Variants in TTC28 observed in about 807,000 individuals in gnomAD.
The protein encoded by TTC28 is tetratricopeptide repeat protein 28.
A neutral mutation model predicts 198.0 loss-of-function variants in TTC28; 61 were observed. The ratio of observed to expected loss-of-function variants is 0.31; its 90% CI spans 0.25 to 0.38. The LOEUF (loss-of-function observed/expected upper bound fraction) is 0.38. TTC28 is among the 10% of genes least tolerant of loss of function. TTC28 has a pLI of 1.00. For missense variants in TTC28, 2,678 were observed against 3,164.0 expected (o/e 0.85, Z 3.69); for synonymous variants, 1,171 against 1,297.8 (o/e 0.90, Z 2.10).
At chr22:28,234,516 G>T (rs540847908) in intron 5 of TTC28, among the ~76,000 whole-genome samples, 2 of 151,620 alleles carry the variant, frequency 1.3e-5, no homozygotes, top group South Asian at 4.2e-4. Flanking sequence ...GGGATTATAG[G>T]TGTGCACCAC....
At chr22:28,426,833 A>G (rs2047357668) in intron 2 of TTC28, among the ~76,000 whole-genome samples, 2 of 152,186 alleles carry the variant, frequency 1.3e-5, no homozygotes, top group Non-Finnish European at 2.9e-5. Context: ...GCAAAAATCC[A>G]TACTTTCATT....
intron 2 of TTC28, among the ~76,000 whole-genome samples, chr22:28,399,977 A>C (rs1308093879): frequency 6.6e-6 from 1 of 152,226 alleles, no homozygotes; most frequent in Non-Finnish European, 1.5e-5. Flanking sequence ...AACACTTCAT[A>C]TTCCCATCGT....
chr22:28,319,972 C>T lies in TTC28; in HGVS notation c.382-13329G>A, dbSNP rs544383989. ...ACATGGTTTGGGTGTAGTTACATTA[C>T]GGTAGGCAAGATGCCACGTGTTTTT... is the stretch of plus-strand genomic sequence containing the variant. On this transcript the variant is annotated intron_variant, in intron 2 of 22. Transcript: ENST00000397906. Among the ~76,000 whole-genome samples the T allele has an allele frequency of 8.0e-4, 122 of 152,210 alleles. 2 individuals are homozygous for T. The South Asian group carries it at 0.022, about 28-fold the overall frequency.
chr22:28,104,933 T>C (rs761719229), intron 8 of TTC28, among the ~76,000 whole-genome samples: 12 of 152,230 alleles, frequency 7.9e-5, no homozygotes, highest in Non-Finnish European at 1.3e-4. Context: ...GATTCATCTG[T>C]GCGAGAACGT....
chr22:28,605,042 A>T (rs1247142307), intron 2 of TTC28, among the ~76,000 whole-genome samples: 1 of 152,218 alleles, frequency 6.6e-6, no homozygotes, highest in Non-Finnish European at 1.5e-5. Flanking sequence ...ACATTCTTAA[A>T]ACAAATTAGG....
At chr22:28,114,633 G>T (rs1057106524) in intron 6 of TTC28, among the ~76,000 whole-genome samples, 1 of 149,798 alleles carries the variant, frequency 6.7e-6, no homozygotes, top group Admixed American at 6.7e-5. Context: ...ATGCTGGAGT[G>T]CAGTGGCATG....
chr22:28,234,330 C>A (rs1322465751), intron 5 of TTC28, among the ~76,000 whole-genome samples: 2 of 151,956 alleles, frequency 1.3e-5, no homozygotes, highest in Non-Finnish European at 2.9e-5. Flanking sequence ...GCGTGAGCCA[C>A]CACTTACCAG....
chr22:28,333,187 C>T (rs1165959954), intron 2 of TTC28, among the ~76,000 whole-genome samples: 1 of 151,988 alleles, frequency 6.6e-6, no homozygotes, highest in African/African-American at 2.4e-5. Flanking sequence ...TTTTCTTTTG[C>T]TTATTTCAAA....
chr22:28,657,309 T>C (rs924876042), intron 1 of TTC28, among the ~76,000 whole-genome samples: 3 of 152,210 alleles, frequency 2.0e-5, no homozygotes, highest in Non-Finnish European at 4.4e-5. Context: ...GTAACTCTTG[T>C]TGAACACAGT....
chr22:28,034,070 A>C (rs1353303762), intron 12 of TTC28, among the ~76,000 whole-genome samples: 1 of 152,246 alleles, frequency 6.6e-6, no homozygotes, highest in Non-Finnish European at 1.5e-5. Flanking sequence ...GAATAAACAA[A>C]TAGTGGCTGT....
At chr22:28,017,677 G>A (rs1938426598) in intron 13 of TTC28, among the ~76,000 whole-genome samples, 2 of 152,176 alleles carry the variant, frequency 1.3e-5, no homozygotes, top group African/African-American at 4.8e-5. Flanking sequence ...CAGAGGATCT[G>A]GGGTTATCTA....
rs570440822 is a variant in TTC28 at position 28,330,598 on chromosome 22, T to C, written c.382-23955A>G. Among the ~76,000 whole-genome samples, 5 of 152,334 alleles carry C rather than the reference T, an allele frequency of 3.3e-5. No individual in the cohort carries two copies. In the East Asian group the frequency reaches 9.6e-4, roughly 29 times the overall value. ...AAACTTACTATTTTCTAGTATTATT[T>C]GTTGACAAGTTTTAAATGGCAGTAT... On this transcript the variant is annotated intron_variant, in intron 2 of 22. Transcript: ENST00000397906.
chr22:27,985,465 C>T, intron 21 of TTC28, 109 bp from the exon 22 acceptor site: 1 of 849,326 alleles, frequency 1.2e-6, no homozygotes, highest in Non-Finnish European at 1.8e-6. Context: ...CTGCAAGGCC[C>T]TTCAGCAAGC....
At chr22:28,528,402 C>A (rs1322671114) in intron 2 of TTC28, among the ~76,000 whole-genome samples, 1 of 151,872 alleles carries the variant, frequency 6.6e-6, no homozygotes, top group Admixed American at 6.6e-5. Context: ...ATATAGTAAT[C>A]CCTTGAATAG....
Position 27,981,229 on chromosome 22 carries a change from A to ATTTTTTTTTTTTTTTTTTTTT in TTC28, c.*991_*992insAAAAAAAAAAAAAAAAAAAAA, listed in dbSNP as rs1937001603. 4.1e-5 allele frequency: 3 copies of ATTTTTTTTTTTTTTTTTTTTT among 72,686 alleles called. 1 individual carries two copies. Among genetic ancestry groups the ATTTTTTTTTTTTTTTTTTTTT allele is most frequent in the Non-Finnish European group, 8.8e-5 (3 of 34,182 alleles). 4.5% of individuals were successfully genotyped at this position (72,686 alleles called of 1,614,324 possible). On this transcript the variant is annotated 3_prime_UTR_variant, in exon 23 of 23. Transcript: ENST00000397906. ...CTGGTTAAATCTAGTTAGCCATGGA[A>ATTTTTTTTTTTTTTTTTTTTT]ATTTTTTTTTTTTTTTTTTTTTTTT...
chr22:28,219,253 A>C (rs1008175375), intron 5 of TTC28, among the ~76,000 whole-genome samples: 3 of 152,202 alleles, frequency 2.0e-5, no homozygotes, highest in Non-Finnish European at 2.9e-5. Context: ...TCACGCCTGT[A>C]ATCCCAACAC....
At chr22:28,647,335 T>G (rs2051485611) in intron 1 of TTC28, among the ~76,000 whole-genome samples, 1 of 152,094 alleles carries the variant, frequency 6.6e-6, no homozygotes, top group Non-Finnish European at 1.5e-5. Context: ...GCAAAGAATT[T>G]ATGACTAAGA....
intron 2 of TTC28, among the ~76,000 whole-genome samples, chr22:28,430,125 G>C (rs192693771): frequency 2.7e-4 from 39 of 146,816 alleles, no homozygotes; most frequent in African/African-American, 9.0e-4. Flanking sequence ...TTCAGATGTA[G>C]TGAAAAGCTG....
chr22:28,499,051 G>C (rs1377804599), intron 2 of TTC28, among the ~76,000 whole-genome samples: 1 of 152,052 alleles, frequency 6.6e-6, no homozygotes, highest in Non-Finnish European at 1.5e-5. Flanking sequence ...GTAGGCACAC[G>C]CCTGTGGTCC....
Sources: allele counts gnomAD v4.1 joint callset (sites outside exome capture counted in the v4.1 genomes callset), GRCh38; gene constraint gnomAD v4.1.1; transcripts MANE v1.5; gene names NCBI Gene and HGNC (gene_info 2026-07-23, HGNC 2026-07-21).